RARB: variants seen among roughly 807,000 people sequenced by gnomAD.
The protein encoded by RARB is retinoic acid receptor beta.
Under a neutral mutation model 51.9 loss-of-function variants are expected in RARB, and 17 were observed. The ratio of observed to expected loss-of-function variants is 0.33; its 90% CI spans 0.22 to 0.49. The LOEUF (loss-of-function observed/expected upper bound fraction) is 0.49, where lower values mean the gene tolerates loss of function less well. Among genes scored for constraint, RARB ranks in the 20% least tolerant of loss-of-function variants. RARB has a pLI of 0.99. For synonymous variants in RARB, 215 were observed against 195.4 expected (o/e 1.10, Z -0.84); for missense variants, 369 against 550.8 (o/e 0.67, Z 3.30).
At chr3:25,409,771 T>G (rs960988576) in intron 5 of RARB, among the ~76,000 whole-genome samples, 11 of 152,170 alleles carry the variant, frequency 7.2e-5, no homozygotes, top group Non-Finnish European at 1.0e-4. Context: ...TCTCCACATT[T>G]CCTTTCCAAA....
chr3:25,511,441 A>AC (rs1172266248), intron 3 of RARB, among the ~76,000 whole-genome samples: 1 of 151,898 alleles, frequency 6.6e-6, no homozygotes, highest in Non-Finnish European at 1.5e-5. Context: ...AACCCTGTTT[A>AC]TTTTTTACCC....
intron 2 of RARB, among the ~76,000 whole-genome samples, chr3:25,479,039 A>C (rs563980707): frequency 6.6e-6 from 1 of 152,150 alleles, no homozygotes; most frequent in Non-Finnish European, 1.5e-5. Flanking sequence ...GAAGTCGTCT[A>C]TGGGCCTTTA....
chr3:25,027,351 C>G (rs1211475398), intron 2 of RARB, among the ~76,000 whole-genome samples: 1 of 152,140 alleles, frequency 6.6e-6, no homozygotes, highest in Non-Finnish European at 1.5e-5. Flanking sequence ...TGTACCCAAG[C>G]AGGCTGGGCA....
intron 2 of RARB, among the ~76,000 whole-genome samples, chr3:24,966,898 C>T (rs1302905436): frequency 2.6e-5 from 4 of 152,022 alleles, no homozygotes; most frequent in Admixed American, 2.0e-4. Context: ...TGTGTTGAAC[C>T]ACACATCCTG....
intron 2 of RARB, among the ~76,000 whole-genome samples, chr3:24,977,173 A>G (rs1269615660): frequency 1.3e-5 from 2 of 152,092 alleles, no homozygotes; most frequent in Non-Finnish European, 2.9e-5. Context: ...GCCTTGTAGT[A>G]TAGTTTGAAG....
rs76828262 is a variant in RARB, at chr3:25,068,466, G to C, written c.-328+8290G>C. ...AAGGAAACTAAGAAAACAAAAAGGG[G>C]GGTAATATTGAGGAATAGATAAATT... On this transcript the variant is annotated intron_variant, in intron 3 of 11. Coordinates refer to the RARB transcript ENST00000383772. Among the ~76,000 whole-genome samples, 669 of 152,176 alleles carry C rather than the reference G, an allele frequency of 4.4e-3. 8 individuals carry two copies. The highest frequency in any genetic ancestry group is 0.015 in the African/African-American group (625 of 41,504).
intron 5 of RARB, among the ~76,000 whole-genome samples, chr3:25,346,602 C>T (rs1350746937): frequency 2.0e-5 from 3 of 152,184 alleles, no homozygotes; most frequent in Non-Finnish European, 2.9e-5. Context: ...ATCACTTAAA[C>T]TGTGCAGCCA....
chr3:24,973,692 G>A (rs1236727611), intron 2 of RARB, among the ~76,000 whole-genome samples: 1 of 151,686 alleles, frequency 6.6e-6, no homozygotes, highest in South Asian at 2.1e-4. Context: ...TTATTTCTAG[G>A]TATTTTATAT....
At chr3:24,908,920 C>T (rs564582458) in intron 2 of RARB, among the ~76,000 whole-genome samples, 21 of 152,202 alleles carry the variant, frequency 1.4e-4, no homozygotes, top group African/African-American at 3.9e-4. Context: ...CCATATTCAA[C>T]TCCCCGTAAT....
intron 2 of RARB, among the ~76,000 whole-genome samples, chr3:24,926,764 T>C (rs1448372557): frequency 6.6e-6 from 1 of 151,826 alleles, no homozygotes; most frequent in Non-Finnish European, 1.5e-5. Flanking sequence ...AGCTTCTGGG[T>C]ACTATATTCT....
intron 2 of RARB, among the ~76,000 whole-genome samples, chr3:25,041,449 C>T (rs1319767794): frequency 4.6e-5 from 7 of 151,698 alleles, no homozygotes; most frequent in Admixed American, 4.6e-4. Flanking sequence ...CTGTCTTTTC[C>T]CCTAACTGCA....
intron 2 of RARB, among the ~76,000 whole-genome samples, chr3:25,029,739 G>T (rs144006772): frequency 6.6e-6 from 1 of 152,196 alleles, no homozygotes; most frequent in Non-Finnish European, 1.5e-5. Context: ...AATAAGTCAC[G>T]TGTGGCACAG....
chr3:24,962,991 C>A (rs1358693402), intron 2 of RARB, among the ~76,000 whole-genome samples: 2 of 152,158 alleles, frequency 1.3e-5, no homozygotes, highest in African/African-American at 4.8e-5. Flanking sequence ...CTTCAGCCTG[C>A]CTACAGATTC....
intron 5 of RARB, among the ~76,000 whole-genome samples, chr3:25,388,875 T>C (rs1482010273): frequency 3.9e-5 from 6 of 152,210 alleles, no homozygotes; most frequent in African/African-American, 1.4e-4. Context: ...GAAACTGTTT[T>C]GAATGTTACT....
At chr3:25,337,050 G>T (rs1705083561) in intron 5 of RARB, among the ~76,000 whole-genome samples, 1 of 152,178 alleles carries the variant, frequency 6.6e-6, no homozygotes, top group Admixed American at 6.6e-5. Context: ...CTTTCTAGTA[G>T]AGCTAAACTC....
At chr3:25,260,550 G>C (rs1186653871) in intron 5 of RARB, among the ~76,000 whole-genome samples, 1 of 152,048 alleles carries the variant, frequency 6.6e-6, no homozygotes, top group Non-Finnish European at 1.5e-5. Flanking sequence ...CCATATCCAA[G>C]GAGTAGAAAC....
intron 5 of RARB, among the ~76,000 whole-genome samples, chr3:25,260,409 A>C (rs1380316251): frequency 6.6e-6 from 1 of 152,160 alleles, no homozygotes; most frequent in African/African-American, 2.4e-5. Flanking sequence ...AAGCAACTGA[A>C]GAGTTTAATT....
chr3:25,091,134 T>C (rs544306600), intron 3 of RARB, among the ~76,000 whole-genome samples: 25 of 152,286 alleles, frequency 1.6e-4, no homozygotes, highest in African/African-American at 5.3e-4. Flanking sequence ...TAAGGATCTT[T>C]ATAGAACAAC....
chr3:25,121,192 G>C (rs1048342660), intron 3 of RARB, among the ~76,000 whole-genome samples: 11 of 152,130 alleles, frequency 7.2e-5, no homozygotes, highest in African/African-American at 2.7e-4. Context: ...TCAAAGGGGA[G>C]GGCAGAGTTC....
Sources: gnomAD v4.1 joint callset for allele counts (sites outside exome capture counted in the v4.1 genomes callset) on GRCh38, gnomAD v4.1.1 for gene constraint, MANE v1.5 for transcripts, NCBI Gene and HGNC (gene_info 2026-07-23, HGNC 2026-07-21) for gene names.